The following RILP variants were observed in gnomAD, a reference collection of about 807,000 sequenced individuals.
RILP encodes the protein Rab interacting lysosomal protein.
A neutral mutation model predicts 40.0 loss-of-function variants in RILP; 53 were observed. That is an observed-to-expected ratio of 1.32 (90% confidence interval 1.06 to 1.66). The LOEUF is 1.66. RILP is among the 40% of genes most tolerant of loss of function. RILP has a pLI of 0.00. For synonymous variants in RILP, 272 were observed against 250.6 expected, an observed-to-expected ratio of 1.09 and a Z score of -0.80; for missense variants, 626 against 551.7, an observed-to-expected ratio of 1.13 and a Z score of -1.35.
At position 1,649,101 on chromosome 17, in the gene RILP, G is replaced by A. The variant is rs1910794721; in HGVS notation, c.430-57C>T. 1.4e-6 allele frequency: 1 copy of A among 696,628 alleles called. No individual in the cohort carries two copies. Among genetic ancestry groups the A allele is most frequent in the Non-Finnish European group, 1.9e-6 (1 of 517,662 alleles). 43.2% of individuals were successfully genotyped at this position (696,628 alleles called of 1,614,324 possible). ...GGCACCGAGGGCCCCCCGGAGCCCC[G>A]CCCAGCGCCTGCCTCGCTCCGCCCC... is the stretch of plus-strand genomic sequence containing the variant. On this transcript the variant is annotated intron_variant, in intron 3 of 7. Coordinates refer to ENST00000301336, the MANE Select transcript of RILP (RefSeq NM_031430.3). The surrounding 1 kb of genome is among the most constrained non-coding windows in gnomAD (Gnocchi z 4.3).
rs1485246053 is a variant in RILP, at chr17:1,649,732, C to G, written c.73G>C (p.Ala25Pro). The G allele has an allele frequency of 2.5e-6, 4 of 1,590,354 alleles. No individual in the cohort carries two copies. The highest frequency in any genetic ancestry group is 3.4e-6 in the Non-Finnish European group (4 of 1,175,858). ...SREAAGSASA[A>P]ELVYHLAGAL... The stretch of plus-strand genomic sequence containing the variant: ...CCGGCTAGATGGTACACAAGCTCCG[C>G]GGCCGATGCCGACCCCGCGGCCTCC... Residue 25 changes from alanine (A) to proline (P), a missense_variant, in exon 1 of 8, where the codon GCG becomes CCG. Physicochemically the swap from Ala to Pro is conservative, Grantham distance 27 (BLOSUM62 -1). Transcript: ENST00000301336. The surrounding 1 kb of genome is among the most constrained non-coding windows in gnomAD (Gnocchi z 4.3).
Position 1,649,487 on chromosome 17 carries a change from G to C in RILP, c.247C>G (p.Pro83Ala). 1 of 1,510,310 alleles carries C rather than the reference G, an allele frequency of 6.6e-7. No individual in the cohort carries two copies. Among genetic ancestry groups the C allele is most frequent in the Non-Finnish European group, 8.8e-7 (1 of 1,137,740 alleles). The allele number at this position is 1,510,310 out of a possible 1,614,324, so 93.6% of individuals were successfully genotyped here. ...APDSLQVSAQ[P>A]AEQELRRLRE... is the part of the protein sequence containing the mutation. ...AGCCGCCGCAGCTCCTGCTCCGCCG[G>C]CTGCGCCGACACCTGCAGCTGGGGA... is the stretch of plus-strand genomic sequence containing the variant. Residue 83 changes from proline (P) to alanine (A), a missense_variant, in exon 2 of 8, where the codon CCG becomes GCG. Coordinates refer to ENST00000301336, the MANE Select transcript of RILP (RefSeq NM_031430.3). This position sits in a 1 kb window ranked among gnomAD's most constrained non-coding sequence, Gnocchi z 4.3.
At position 1,648,902 on chromosome 17, in the gene RILP, T is replaced by A; in HGVS notation, c.572A>T (p.Lys191Ile). 6.6e-7 allele frequency: 1 copy of A among 1,526,230 alleles called. No individual in the cohort carries two copies. Among genetic ancestry groups the A allele is most frequent in the Non-Finnish European group, 8.7e-7 (1 of 1,143,682 alleles). 94.5% of individuals were successfully genotyped at this position (1,526,230 alleles called of 1,614,324 possible). A position where few individuals can be genotyped will look rare whatever the true frequency, so the allele number is the denominator to read the frequency against. Residue 191 changes from lysine to isoleucine, a missense_variant, in exon 4 of 8, where the codon AAA becomes ATA. Lys to Ile is a moderately radical substitution (Grantham distance 102). Coordinates refer to ENST00000301336, the MANE Select transcript of RILP (RefSeq NM_031430.3). The surrounding 1 kb of genome is among the most constrained non-coding windows in gnomAD (Gnocchi z 4.9). ...QPGEAATPQA[K>I]ERARGQAGRP... ...CCCGGCCTGCCCCCGCGCTCGCTCT[T>A]TAGCCTGCGGAGTCGCGGCTTCGCC...
Position 1,646,163 on chromosome 17 carries a change from C to T in RILP, c.*279G>A, listed in dbSNP as rs1390398041. 3 of 450,026 alleles carry T rather than the reference C, an allele frequency of 6.7e-6. No individual in the cohort carries two copies. Among genetic ancestry groups the T allele is most frequent in the South Asian group, 5.0e-5 (1 of 20,188 alleles). 27.9% of individuals were successfully genotyped at this position (450,026 alleles called of 1,614,324 possible). A position where few individuals can be genotyped will look rare whatever the true frequency, so the allele number is the denominator to read the frequency against. Reference sequence around the variant, plus strand: ...GGCGAGGAACAGTTTCTGTGTATTACGGGCAGTTCTTTATTACATGAGCTC... The same window carrying T: ...GGCGAGGAACAGTTTCTGTGTATTATGGGCAGTTCTTTATTACATGAGCTC... On this transcript the variant is annotated 3_prime_UTR_variant, in exon 8 of 8. Transcript: ENST00000301336. The surrounding 1 kb of genome is among the most constrained non-coding windows in gnomAD (Gnocchi z 4.3).
Position 1,649,858 on chromosome 17 carries a change from G to A in RILP, c.-54C>T. 9 of 1,410,448 alleles carry A rather than the reference G, an allele frequency of 6.4e-6. No individual in the cohort carries two copies. Among genetic ancestry groups the A allele is most frequent in the South Asian group, 1.3e-5 (1 of 75,052 alleles). 87.4% of individuals were successfully genotyped at this position (1,410,448 alleles called of 1,614,324 possible). A position where few individuals can be genotyped will look rare whatever the true frequency, so the allele number is the denominator to read the frequency against. Reference sequence around the variant, plus strand: ...CCCCACCCCACCCTCCACTGGGACGGGGAAAAGCGAAACAGTTCCGCCCCA... The same window carrying A: ...CCCCACCCCACCCTCCACTGGGACGAGGAAAAGCGAAACAGTTCCGCCCCA... On this transcript the variant is annotated 5_prime_UTR_variant, in exon 1 of 8. Transcript: ENST00000301336. This position sits in a 1 kb window ranked among gnomAD's most constrained non-coding sequence, Gnocchi z 4.3.
Position 1,646,831 on chromosome 17 carries a change from G to T in RILP, c.1028+75C>A. On this transcript the variant is annotated intron_variant, in intron 7 of 7. Coordinates refer to ENST00000301336, the MANE Select transcript of RILP (RefSeq NM_031430.3). This position sits in a 1 kb window ranked among gnomAD's most constrained non-coding sequence, Gnocchi z 4.3. Reference sequence around the variant, plus strand: ...GGGTGACGGGCAGAGAAGCGGGAAAGGGGATCCTGAGAAGGACCAGCCAGG... The same window carrying T: ...GGGTGACGGGCAGAGAAGCGGGAAATGGGATCCTGAGAAGGACCAGCCAGG... 8.3e-7 allele frequency: 1 copy of T among 1,199,600 alleles called. No individual in the cohort carries two copies. Among genetic ancestry groups the T allele is most frequent in the Non-Finnish European group, 1.2e-6 (1 of 856,346 alleles). The allele number at this position is 1,199,600 out of a possible 1,614,324, so 74.3% of individuals were successfully genotyped here. A position where few individuals can be genotyped will look rare whatever the true frequency, so the allele number is the denominator to read the frequency against.
chr17:1,647,301 G>A (rs535834737), intron 6 of RILP, among the ~76,000 whole-genome samples: 2 of 152,122 alleles, frequency 1.3e-5, no homozygotes, highest in African/African-American at 2.4e-5. Context: ...CACCATGCCC[G>A]GCTAATTTTT....
chr17:1,647,144 A>ATT (rs890909713), intron 6 of RILP, among the ~76,000 whole-genome samples, 155 bp from the exon 7 acceptor site: 2 of 145,694 alleles, frequency 1.4e-5, no homozygotes, highest in Admixed American at 6.8e-5. Context: ...TTAATTTTTA[A>ATT]TTTTTTTTTT....
In RILP at chr17:1,646,623, G is replaced by C. The variant is rs746437448; in HGVS notation, c.1029-4C>G. On this transcript the variant is annotated splice_region_variant and splice_polypyrimidine_tract_variant and intron_variant, in intron 7 of 7. Coordinates refer to ENST00000301336, the MANE Select transcript of RILP (RefSeq NM_031430.3). The surrounding 1 kb of genome is among the most constrained non-coding windows in gnomAD (Gnocchi z 4.3). Reference sequence around the variant, plus strand: ...ACCCCGATACCATAGGCCAAAGCTGGAGAGAGACAGCCAGAGGCACTTTGA... The same window carrying C: ...ACCCCGATACCATAGGCCAAAGCTGCAGAGAGACAGCCAGAGGCACTTTGA... The C allele has an allele frequency of 6.4e-7, 1 of 1,564,720 alleles. No homozygotes were observed. Among genetic ancestry groups the C allele is most frequent in the African/African-American group, 1.4e-5 (1 of 73,412 alleles).
Position 1,649,106 on chromosome 17 carries a change from G to T in RILP, c.430-62C>A. 1 of 998,086 alleles carries T rather than the reference G, an allele frequency of 1.0e-6. No individual in the cohort carries two copies. 61.8% of individuals were successfully genotyped at this position (998,086 alleles called of 1,614,324 possible). A position where few individuals can be genotyped will look rare whatever the true frequency, so the allele number is the denominator to read the frequency against. ...CGAGGGCCCCCCGGAGCCCCGCCCA[G>T]CGCCTGCCTCGCTCCGCCCCCGCCC... On this transcript the variant is annotated intron_variant, in intron 3 of 7. Coordinates refer to ENST00000301336, the MANE Select transcript of RILP (RefSeq NM_031430.3). The surrounding 1 kb of genome is among the most constrained non-coding windows in gnomAD (Gnocchi z 4.3).
chr17:1,649,160 T>TCCGCCC lies in RILP; in HGVS notation c.429+34_429+39dup, dbSNP rs1910804040. On this transcript the variant is annotated intron_variant, in intron 3 of 7. Transcript: ENST00000301336. The surrounding 1 kb of genome is among the most constrained non-coding windows in gnomAD (Gnocchi z 4.3). ...GAGCCCCGCCCAGCGCCTGCCACGC[T>TCCGCCC]CCGCCCCCGCCCCGCCCCAGAGCCC... The TCCGCCC allele has an allele frequency of 2.0e-6, 2 of 979,604 alleles. No individual in the cohort carries two copies. The highest frequency in any genetic ancestry group is 4.9e-5 in the Admixed American group (1 of 20,404). The allele number at this position is 979,604 out of a possible 1,614,324, so 60.7% of individuals were successfully genotyped here. A position where few individuals can be genotyped will look rare whatever the true frequency, so the allele number is the denominator to read the frequency against.
chr17:1,646,762 C>A lies in RILP; in HGVS notation c.1029-143G>T. Reference sequence around the variant, plus strand: ...GTGTGAAGGTGATGGGGGCCAGGGCCAGAGAAGCAGGAGGGGACGGTGTGC... The same window carrying A: ...GTGTGAAGGTGATGGGGGCCAGGGCAAGAGAAGCAGGAGGGGACGGTGTGC... On this transcript the variant is annotated intron_variant, in intron 7 of 7. Transcript: ENST00000301336. The surrounding 1 kb of genome is among the most constrained non-coding windows in gnomAD (Gnocchi z 4.3). The A allele has an allele frequency of 9.4e-7, 1 of 1,064,582 alleles. No homozygotes were observed. The highest frequency in any genetic ancestry group is 1.4e-6 in the Non-Finnish European group (1 of 736,284). The allele number at this position is 1,064,582 out of a possible 1,614,324, so 65.9% of individuals were successfully genotyped here. A position where few individuals can be genotyped will look rare whatever the true frequency, so the allele number is the denominator to read the frequency against.
rs758053633 is a variant in RILP, at chr17:1,647,886, CGCTGCTTCCGGACA to C, written c.879_892del (p.Val294GlufsTer18). ...TAACATCTTGGCCTTGATCTTCTTCCGCTGCTTCCGGACAGCCACCTTCATGGCCTCGAGCAGAA... is the reference window on the plus strand; with the variant it reads ...TAACATCTTGGCCTTGATCTTCTTCCGCCACCTTCATGGCCTCGAGCAGAA... On this transcript the variant is annotated frameshift_variant, in exon 6 of 8. Transcript: ENST00000301336. LOFTEE classifies it high-confidence loss of function. The C allele has an allele frequency of 1.7e-5, 28 of 1,614,054 alleles. No individual in the cohort carries two copies. In the Middle Eastern group the frequency reaches 4.9e-4, roughly 28 times the overall value.
At chr17:1,647,796 G>C (rs1237385243) in intron 6 of RILP, 39 bp downstream of exon 6, 1 of 1,613,220 alleles carries the variant, frequency 6.2e-7, no homozygotes, top group Admixed American at 1.7e-5. Context: ...GAATGAGGGA[G>C]GGAGGCCTGG....
Position 1,648,846 on chromosome 17 carries a change from C to T in RILP, c.628G>A (p.Glu210Lys). The T allele has an allele frequency of 6.5e-7, 1 of 1,541,214 alleles. No homozygotes were observed. Among genetic ancestry groups the T allele is most frequent in the Non-Finnish European group, 8.7e-7 (1 of 1,153,882 alleles). Residue 210 changes from glutamate (E) to lysine (K), a missense_variant, in exon 4 of 8, where the codon GAA becomes AAA. Glu to Lys is a moderately conservative substitution (Grantham distance 56, BLOSUM62 1). Transcript: ENST00000301336. The surrounding 1 kb of genome is among the most constrained non-coding windows in gnomAD (Gnocchi z 4.9). ...RPGHQHGQEPEWATAGAGAPG... is the reference protein window; with the variant it reads ...RPGHQHGQEPKWATAGAGAPG... ...GCGCCTGCGCCGGCGGTCGCCCATTCGGGCTCCTGTCCGTGCTGGTGCCCG... is the reference window on the plus strand; with the variant it reads ...GCGCCTGCGCCGGCGGTCGCCCATTTGGGCTCCTGTCCGTGCTGGTGCCCG...
chr17:1,649,235 G>C lies in RILP; in HGVS notation c.394C>G (p.Arg132Gly). ...TCCTGGCCGCGCTGCCGCAGGTCGC[G>C]GTTGTGCGCCCGGAGTTCGTCCCGC... ...RQRDELRAHN[R>G]DLRQRGQETE... is the part of the protein sequence containing the mutation. The change falls in exon 3 of 8, where the codon CGC (arginine) becomes GGC (glycine). Residue 132 changes from arginine (R) to glycine (G), a missense_variant. By Grantham distance (125) the Arg-to-Gly change is moderately radical. Transcript: ENST00000301336. The surrounding 1 kb of genome is among the most constrained non-coding windows in gnomAD (Gnocchi z 4.3). 2 of 1,492,674 alleles carry C rather than the reference G, an allele frequency of 1.3e-6. No homozygotes were observed. The highest frequency in any genetic ancestry group is 1.8e-6 in the Non-Finnish European group (2 of 1,128,332). The allele number at this position is 1,492,674 out of a possible 1,614,324, so 92.5% of individuals were successfully genotyped here. A position where few individuals can be genotyped will look rare whatever the true frequency, so the allele number is the denominator to read the frequency against.
chr17:1,648,569 C>A lies in RILP; in HGVS notation c.676-74G>T. On this transcript the variant is annotated intron_variant, in intron 4 of 7. Transcript: ENST00000301336. This position sits in a 1 kb window ranked among gnomAD's most constrained non-coding sequence, Gnocchi z 4.9. ...CCGCCCCAGGGCCATCATGGGAATG[C>A]TAGAGGAAGTGACGGGCCGGGAGAC... The A allele has an allele frequency of 1.3e-6, 2 of 1,567,572 alleles. No individual in the cohort carries two copies. Among genetic ancestry groups the A allele is most frequent in the Non-Finnish European group, 8.6e-7 (1 of 1,160,906 alleles).
rs1396889987 is a variant in RILP at position 1,649,610 on chromosome 17, C to T, written c.195G>A (p.Leu65=). 6.3e-7 allele frequency: 1 copy of T among 1,577,878 alleles called. No individual in the cohort carries two copies. Among genetic ancestry groups the T allele is most frequent in the South Asian group, 1.1e-5 (1 of 88,578 alleles). ...GGGCGGGCCCCACGGCAGCCTGTTC[C>T]AAGAGCTCCAGCGCCCGCACCACTA... is the stretch of plus-strand genomic sequence containing the variant. The part of the protein sequence containing the change: ...VPLVVRALEL[L]EQAAVGPAPD... Residue 65 remains leucine (L), a synonymous_variant, in exon 1 of 8, where the codon TTG becomes TTA. Transcript: ENST00000301336. This position sits in a 1 kb window ranked among gnomAD's most constrained non-coding sequence, Gnocchi z 4.3.
Position 1,649,367 on chromosome 17 carries a change from C to G in RILP, c.322+45G>C. 1 of 1,491,102 alleles carries G rather than the reference C, an allele frequency of 6.7e-7. No homozygotes were observed. The allele number at this position is 1,491,102 out of a possible 1,614,324, so 92.4% of individuals were successfully genotyped here. On this transcript the variant is annotated intron_variant, in intron 2 of 7. Coordinates refer to ENST00000301336, the MANE Select transcript of RILP (RefSeq NM_031430.3). This position sits in a 1 kb window ranked among gnomAD's most constrained non-coding sequence, Gnocchi z 4.3. ...GGCCCGCGGGAGGGAGGGGAGGACC[C>G]GAGCAGGTCGTCACCCGCCCTGCCC...
Sources: allele counts gnomAD v4.1 joint callset (sites outside exome capture counted in the v4.1 genomes callset), GRCh38; gene constraint gnomAD v4.1.1; non-coding constraint Gnocchi (gnomAD v3.1); transcripts MANE v1.5; gene names NCBI Gene and HGNC (gene_info 2026-07-23, HGNC 2026-07-21).